Variants in REEP2 observed in about 807,000 individuals in gnomAD.
REEP2 encodes the protein receptor accessory protein 2, also known as receptor expression-enhancing protein 2.
Under a neutral mutation model 32.1 loss-of-function variants are expected in REEP2, and 9 were observed. The ratio of observed to expected loss-of-function variants is 0.28; its 90% CI spans 0.17 to 0.49. The LOEUF is 0.49. Ranked by LOEUF, REEP2 falls within the 20% of genes least tolerant of loss-of-function variation. The probability of loss-of-function intolerance (pLI) is 0.99; values close to 1 mark genes in which losing one functional copy is unlikely to be tolerated. For missense variants in REEP2, 236 were observed against 338.0 expected (o/e 0.70, Z 2.37); for synonymous variants, 128 against 139.1 (o/e 0.92, Z 0.56).
Position 138,441,476 on chromosome 5 carries a change from C to A in REEP2, c.182+15C>A, listed in dbSNP as rs1273246884. 2 of 1,611,858 alleles carry A rather than the reference C, an allele frequency of 1.2e-6. 1 individual carries two copies. Among genetic ancestry groups the A allele is most frequent in the Non-Finnish European group, 1.7e-6 (2 of 1,178,044 alleles). On this transcript the variant is annotated intron_variant, in intron 3 of 7. Transcript: ENST00000378339. This position sits in a 1 kb window ranked among gnomAD's most constrained non-coding sequence, Gnocchi z 4.4. ...GTGCTCTCCTGGTGAGGTCCAGCGT[C>A]CCCTCCTGTATCTCAGGGCCCAGGG... is the stretch of plus-strand genomic sequence containing the variant.
chr5:138,441,434 A>G lies in REEP2; in HGVS notation c.155A>G (p.Glu52Gly). 3.1e-6 allele frequency: 5 copies of G among 1,614,128 alleles called. No homozygotes were observed. The highest frequency in any genetic ancestry group is 4.2e-6 in the Non-Finnish European group (5 of 1,180,002). Residue 52 changes from glutamate (E) to glycine (G), a missense_variant, in exon 3 of 8, where the codon GAG becomes GGG. Physicochemically the swap from Glu to Gly is moderately conservative, Grantham distance 98. Transcript: ENST00000378339. This position sits in a 1 kb window ranked among gnomAD's most constrained non-coding sequence, Gnocchi z 4.4. ...WIVFAFFTTA[E>G]TLTDIVLSWF... ...GTCTTTGCCTTCTTCACCACGGCCG[A>G]GACGCTCACGGATATAGTGCTCTCC...
At chr5:138,445,093 C>T (rs1763900532) in intron 5 of REEP2, 135 bp from the exon 6 acceptor site, 1 of 1,058,770 alleles carries the variant, frequency 9.4e-7, no homozygotes, top group Non-Finnish European at 1.4e-6. Context: ...CAGCCCTCAG[C>T]TCTGTCTGTG....
intron 3 of REEP2, among the ~76,000 whole-genome samples, chr5:138,442,860 CAAAA>C (rs71574416): frequency 3.3e-5 from 4 of 119,588 alleles, no homozygotes; most frequent in South Asian, 2.7e-4. Context: ...GATTCTGTCT[CAAAA>C]AAAAAAAAAA....
rs1763933963 is a variant in REEP2 at position 138,446,373 on chromosome 5, A to C, written c.*622A>C. 6.5e-6 allele frequency: 1 copy of C among 153,084 alleles called. No individual in the cohort carries two copies. The highest frequency in any genetic ancestry group is 1.5e-5 in the Non-Finnish European group (1 of 68,802). 9.5% of individuals were successfully genotyped at this position (153,084 alleles called of 1,614,324 possible). On this transcript the variant is annotated 3_prime_UTR_variant, in exon 8 of 8. Transcript: ENST00000378339. Reference sequence around the variant, plus strand: ...TGAGTGCCACATGTTCCCACATTAAAAAGGGGGGTCCAGGGCTGTGTGAGT... The same window carrying C: ...TGAGTGCCACATGTTCCCACATTAACAAGGGGGGTCCAGGGCTGTGTGAGT...
rs774510875 is a variant in REEP2 at position 138,441,369 on chromosome 5, T to C, written c.106-16T>C. On this transcript the variant is annotated splice_polypyrimidine_tract_variant and intron_variant, in intron 2 of 7. Transcript: ENST00000378339. The surrounding 1 kb of genome is among the most constrained non-coding windows in gnomAD (Gnocchi z 4.4). ...TCAGCCCCGTGCCCCAGCCAGCGCT[T>C]CCCTCTGTCCCTCAGGTGAAATGGA... The C allele has an allele frequency of 5.6e-6, 9 of 1,613,172 alleles. No homozygotes were observed. The highest frequency in any genetic ancestry group is 7.6e-6 in the Non-Finnish European group (9 of 1,179,248).
Position 138,441,143 on chromosome 5 carries a change from G to A in REEP2, c.105+55G>A, listed in dbSNP as rs1763816191. 3.7e-6 allele frequency: 6 copies of A among 1,606,386 alleles called. No homozygotes were observed. The highest frequency in any genetic ancestry group is 4.3e-6 in the Non-Finnish European group (5 of 1,175,350). ...AACCCACATGGCACAGAGAGGGGAGGGCACTGGGTCCTATTACAGATGGGG... is the reference window on the plus strand; with the variant it reads ...AACCCACATGGCACAGAGAGGGGAGAGCACTGGGTCCTATTACAGATGGGG... On this transcript the variant is annotated intron_variant, in intron 2 of 7. Transcript: ENST00000378339. The surrounding 1 kb of genome is among the most constrained non-coding windows in gnomAD (Gnocchi z 4.4).
At position 138,446,720 on chromosome 5, in the gene REEP2, G is replaced by A. The variant is rs1321702490; in HGVS notation, c.*969G>A. 2 of 152,610 alleles carry A rather than the reference G, an allele frequency of 1.3e-5. No homozygotes were observed. The highest frequency in any genetic ancestry group is 4.8e-5 in the African/African-American group (2 of 41,438). The allele number at this position is 152,610 out of a possible 1,614,324, so 9.5% of individuals were successfully genotyped here. A position where few individuals can be genotyped will look rare whatever the true frequency, so the allele number is the denominator to read the frequency against. On this transcript the variant is annotated 3_prime_UTR_variant, in exon 8 of 8. Coordinates refer to ENST00000378339, the MANE Select transcript of REEP2 (RefSeq NM_001271803.2). ...GTGGGCCCCTCTCCTCTGCCCCTGG[G>A]GTCCATCCCCTCTTGCCCAGGGTCC...
At position 138,446,960 on chromosome 5, in the gene REEP2, A is replaced by C. The variant is rs894845425; in HGVS notation, c.*1209A>C. 1.3e-5 allele frequency: 2 copies of C among 152,164 alleles called. No homozygotes were observed. The highest frequency in any genetic ancestry group is 4.8e-5 in the African/African-American group (2 of 41,440). 9.4% of individuals were successfully genotyped at this position (152,164 alleles called of 1,614,324 possible). A position where few individuals can be genotyped will look rare whatever the true frequency, so the allele number is the denominator to read the frequency against. On this transcript the variant is annotated 3_prime_UTR_variant, in exon 8 of 8. Coordinates refer to ENST00000378339, the MANE Select transcript of REEP2 (RefSeq NM_001271803.2). ...ATGAGCCAATAAACCAAACTCTGGCACCTCATTTATTTTGGCCTCTGTGCT... is the reference window on the plus strand; with the variant it reads ...ATGAGCCAATAAACCAAACTCTGGCCCCTCATTTATTTTGGCCTCTGTGCT...
chr5:138,443,254 A>G (rs1325200058), intron 3 of REEP2, among the ~76,000 whole-genome samples: 1 of 151,978 alleles, frequency 6.6e-6, no homozygotes, highest in African/African-American at 2.4e-5. Context: ...TGAGGTCAGG[A>G]GTTCGAGACC....
rs756423024 is a variant in REEP2 at position 138,445,738 on chromosome 5, G to C, written c.752G>C (p.Gly251Ala). The change falls in exon 8 of 8, where the codon GGC (glycine) becomes GCC (alanine). Residue 251 changes from glycine (G) to alanine (A), a missense_variant. By Grantham distance (60) the Gly-to-Ala change is moderately conservative. Transcript: ENST00000378339. ...CCCAAGAAGAAGACCTCTGGCGGGG[G>C]CGACTCAGCTTGAGCCCCTCCACCC... ...TRPKKKTSGGGDSA is the reference protein window; with the variant it reads ...TRPKKKTSGGADSA 11 of 1,613,998 alleles carry C rather than the reference G, an allele frequency of 6.8e-6. No individual in the cohort carries two copies. The highest frequency in any genetic ancestry group is 8.5e-6 in the Non-Finnish European group (10 of 1,179,966).
intron 3 of REEP2, among the ~76,000 whole-genome samples, chr5:138,442,025 T>C (rs1763835877): frequency 6.6e-6 from 1 of 152,210 alleles, no homozygotes; most frequent in East Asian, 1.9e-4. Context: ...GGAAACCCGC[T>C]TCTGCCATGC....
intron 1 of REEP2, 107 bp downstream of exon 1, chr5:138,439,347 C>A: frequency 1.7e-6 from 2 of 1,191,410 alleles, no homozygotes; most frequent in Non-Finnish European, 1.1e-6. Flanking sequence ...CACCTAAAGG[C>A]GCTGCGTCCT....
At chr5:138,444,905 C>T (rs367569689) in intron 5 of REEP2, 38 bp downstream of exon 5, 98 of 1,501,914 alleles carry the variant, frequency 6.5e-5, no homozygotes, top group Non-Finnish European at 8.2e-5. Flanking sequence ...AGGGCCCCTA[C>T]CTTGTACAAA....
chr5:138,441,446 A>T lies in REEP2; in HGVS notation c.167A>T (p.Asp56Val). The T allele has an allele frequency of 6.2e-7, 1 of 1,614,064 alleles. No homozygotes were observed. Among genetic ancestry groups the T allele is most frequent in the Non-Finnish European group, 8.5e-7 (1 of 1,179,986 alleles). ...TTCACCACGGCCGAGACGCTCACGG[A>T]TATAGTGCTCTCCTGGTGAGGTCCA... is the stretch of plus-strand genomic sequence containing the variant. Reference protein sequence around the residue: ...AFFTTAETLTDIVLSWFPFYF... With the variant: ...AFFTTAETLTVIVLSWFPFYF... The change falls in exon 3 of 8, where the codon GAT becomes GTT. Residue 56 changes from aspartate (D) to valine (V), a missense_variant. Physicochemically the swap from Asp to Val is radical, Grantham distance 152. Coordinates refer to ENST00000378339, the MANE Select transcript of REEP2 (RefSeq NM_001271803.2). The surrounding 1 kb of genome is among the most constrained non-coding windows in gnomAD (Gnocchi z 4.4).
chr5:138,442,024 C>T (rs538141114), intron 3 of REEP2, among the ~76,000 whole-genome samples: 1 of 152,350 alleles, frequency 6.6e-6, no homozygotes, highest in African/African-American at 2.4e-5. Context: ...AGGAAACCCG[C>T]TTCTGCCATG....
Position 138,446,021 on chromosome 5 carries a change from CG to C in REEP2, c.*271del, listed in dbSNP as rs1763925431. 2.1e-6 allele frequency: 1 copy of C among 486,140 alleles called. No homozygotes were observed. The highest frequency in any genetic ancestry group is 3.7e-6 in the Non-Finnish European group (1 of 273,410). The allele number at this position is 486,140 out of a possible 1,614,324, so 30.1% of individuals were successfully genotyped here. On this transcript the variant is annotated 3_prime_UTR_variant, in exon 8 of 8. Coordinates refer to ENST00000378339, the MANE Select transcript of REEP2 (RefSeq NM_001271803.2). ...GAGGTGGGGACTGCTCGGCCTCCAC[CG>C]CTGTTCCGCTGCAGCCCCGCCCTGC...
chr5:138,445,346 G>C lies in REEP2; in HGVS notation c.536G>C (p.Gly179Ala), dbSNP rs1248724346. 1.9e-6 allele frequency: 3 copies of C among 1,613,192 alleles called. No homozygotes were observed. The highest frequency in any genetic ancestry group is 2.5e-6 in the Non-Finnish European group (3 of 1,179,746). ...RPDGRLRPSP[G>A]SLLDTIEDLG... Reference sequence around the variant, plus strand: ...GACGGCCGCCTCCGACCCAGCCCTGGCAGCCTCCTGGACACCATCGAGGAC... The same window carrying C: ...GACGGCCGCCTCCGACCCAGCCCTGCCAGCCTCCTGGACACCATCGAGGAC... Residue 179 changes from glycine to alanine, a missense_variant, in exon 6 of 8, where the codon GGC becomes GCC. Physicochemically the swap from Gly to Ala is moderately conservative, Grantham distance 60. Coordinates refer to ENST00000378339, the MANE Select transcript of REEP2 (RefSeq NM_001271803.2).
Position 138,445,856 on chromosome 5 carries a change from C to T in REEP2, c.*105C>T. The T allele has an allele frequency of 8.7e-7, 1 of 1,149,334 alleles. No homozygotes were observed. 71.2% of individuals were successfully genotyped at this position (1,149,334 alleles called of 1,614,324 possible). On this transcript the variant is annotated 3_prime_UTR_variant, in exon 8 of 8. Coordinates refer to ENST00000378339, the MANE Select transcript of REEP2 (RefSeq NM_001271803.2). ...GCCAGTAGCCTAGGTGTCTCAGGCC[C>T]CTGGGCCCCGCAGATGGCCATTTCC... is the stretch of plus-strand genomic sequence containing the variant.
intron 1 of REEP2, chr5:138,439,786 GT>G: frequency 4.4e-6 from 2 of 455,868 alleles, no homozygotes; most frequent in Non-Finnish European, 8.8e-6. Flanking sequence ...GGAAGTCTGG[GT>G]ATCGGGAAGC....
Sources: gnomAD v4.1 joint callset for allele counts (sites outside exome capture counted in the v4.1 genomes callset) on GRCh38, gnomAD v4.1.1 for gene constraint, Gnocchi (gnomAD v3.1) non-coding constraint, MANE v1.5 for transcripts, NCBI Gene and HGNC (gene_info 2026-07-23, HGNC 2026-07-21) for gene names.